MYO1F: variants seen among roughly 807,000 people sequenced by gnomAD.
The protein encoded by MYO1F is unconventional myosin-If.
MYO1F carries 60 observed loss-of-function variants against 146.6 expected under a neutral mutation model. The ratio of observed to expected loss-of-function variants is 0.41; its 90% confidence interval spans 0.33 to 0.51. The LOEUF (loss-of-function observed/expected upper bound fraction) is 0.51, where lower values mean the gene tolerates loss of function less well. MYO1F is among the 20% of genes least tolerant of loss of function. MYO1F has a pLI of 0.25. For missense variants in MYO1F, 1,274 were observed against 1,534.3 expected, an observed-to-expected ratio of 0.83 and a Z score of 2.83; for synonymous variants, 602 against 602.1, an observed-to-expected ratio of 1.00 and a Z score of 0.00.
At chr19:8,556,685 C>T (rs559143941) in intron 1 of MYO1F, among the ~76,000 whole-genome samples, 24 of 151,284 alleles carry the variant, frequency 1.6e-4, no homozygotes, top group Admixed American at 9.2e-4. Context: ...GACGAGAGTT[C>T]GAGACCAGTC....
In MYO1F at chr19:8,550,698, T is replaced by C; in HGVS notation, c.772-4A>G. On this transcript the variant is annotated splice_region_variant and splice_polypyrimidine_tract_variant and intron_variant, in intron 8 of 27. Coordinates refer to ENST00000644032, the MANE Select transcript of MYO1F (RefSeq NM_012335.4). ...TCCCAATAACCTGCATAGCACTCTGTGGTACAACGGGGGCAGAAACTGTGC... is the reference window on the plus strand; with the variant it reads ...TCCCAATAACCTGCATAGCACTCTGCGGTACAACGGGGGCAGAAACTGTGC... The C allele has an allele frequency of 6.2e-7, 1 of 1,614,038 alleles. No homozygotes were observed.
chr19:8,556,122 G>T (rs191959738), intron 1 of MYO1F, among the ~76,000 whole-genome samples: 2 of 151,410 alleles, frequency 1.3e-5, no homozygotes, highest in Non-Finnish European at 2.9e-5. Flanking sequence ...TCCACCTCCC[G>T]GGTTCAAGCG....
At chr19:8,570,627 A>G (rs537556304) in intron 1 of MYO1F, among the ~76,000 whole-genome samples, 48 of 151,316 alleles carry the variant, frequency 3.2e-4, no homozygotes, top group Admixed American at 1.1e-3. Context: ...TTGACCTCCC[A>G]AAGTGCTGGA....
At position 8,550,486 on chromosome 19, in the gene MYO1F, C is replaced by T. The variant is rs116302458; in HGVS notation, c.904+76G>A. 2.1e-3 allele frequency: 3,379 copies of T among 1,612,746 alleles called. 54 individuals are homozygous for T. In the African/African-American group the frequency reaches 0.032, roughly 15 times the overall value. On this transcript the variant is annotated intron_variant, in intron 9 of 27. Transcript: ENST00000644032. ...TTTTTCCTCGTGGGCTTTCAGCTTC[C>T]TGGGGGCTGAGCTAGGAGGACGCAG... is the stretch of plus-strand genomic sequence containing the variant.
At chr19:8,547,300 C>CAAAAAAAAAAAAAA (rs1196814670) in intron 12 of MYO1F, among the ~76,000 whole-genome samples, 1 of 44,994 alleles carries the variant, frequency 2.2e-5, no homozygotes, top group South Asian at 1.2e-3. Flanking sequence ...GTTCCTGTCT[C>CAAAAAAAAAAAAAA]AAAAAAAAAA....
At chr19:8,545,517 T>TC (rs1973306161) in intron 13 of MYO1F, 133 bp downstream of exon 13, 8 of 786,192 alleles carry the variant, frequency 1.0e-5, no homozygotes, top group Non-Finnish European at 1.9e-5. Context: ...TTGTTATCTG[T>TC]CGCTGGAAGT....
intron 16 of MYO1F, 55 bp downstream of exon 16, chr19:8,539,892 G>A: frequency 6.7e-7 from 1 of 1,482,290 alleles, no homozygotes; most frequent in African/African-American, 1.4e-5. Flanking sequence ...ACCCCAGGTA[G>A]GGTGGAACTC....
chr19:8,566,251 T>G (rs996679824), intron 1 of MYO1F, among the ~76,000 whole-genome samples: 10 of 143,856 alleles, frequency 7.0e-5, no homozygotes, highest in Admixed American at 2.9e-4. Flanking sequence ...CACTGCAAGC[T>G]CTGCCTCCCG....
At chr19:8,561,168 G>A (rs532848538) in intron 1 of MYO1F, among the ~76,000 whole-genome samples, 1 of 152,252 alleles carries the variant, frequency 6.6e-6, no homozygotes, top group Non-Finnish European at 1.5e-5. Flanking sequence ...ACAGGTGTGA[G>A]CCACTGTGCC....
Position 8,568,422 on chromosome 19 carries a change from C to CAAAAAAAAAAAA in MYO1F, c.3+8873_3+8884dup, listed in dbSNP as rs55833513. On this transcript the variant is annotated intron_variant, in intron 1 of 27. Coordinates refer to ENST00000644032, the MANE Select transcript of MYO1F (RefSeq NM_012335.4). ...TGGGTGAAAGAGTGAGACTCCGTCTCAAAAAAAAAAAAAAAAAAAAAAATT... is the reference window on the plus strand; with the variant it reads ...TGGGTGAAAGAGTGAGACTCCGTCTCAAAAAAAAAAAAAAAAAAAAAAAAAAAAAAAAAAATT... Among the ~76,000 whole-genome samples, 18 of 66,434 alleles carry CAAAAAAAAAAAA rather than the reference C, an allele frequency of 2.7e-4. 1 individual carries two copies. The highest frequency in any genetic ancestry group is 1.1e-3 in the African/African-American group (16 of 14,374). 43.6% of individuals were successfully genotyped at this position (66,434 alleles called of 152,430 possible). A position where few individuals can be genotyped will look rare whatever the true frequency, so the allele number is the denominator to read the frequency against.
At chr19:8,553,894 A>ACACACACACACACTCTCTCTCTCTCTCT in intron 4 of MYO1F, among the ~76,000 whole-genome samples, 10 of 102,602 alleles carry the variant, frequency 9.7e-5, no homozygotes, top group African/African-American at 3.8e-4. Flanking sequence ...ACACACACAC[A>ACACACACACACACTCTCTCTCTCTCTCT]CTCTCTCTCT....
chr19:8,554,562 C>T lies in MYO1F; in HGVS notation c.241G>A (p.Glu81Lys). 6.2e-7 allele frequency: 1 copy of T among 1,613,620 alleles called. No individual in the cohort carries two copies. Among genetic ancestry groups the T allele is most frequent in the Non-Finnish European group, 8.5e-7 (1 of 1,179,582 alleles). The change falls in exon 4 of 28, where the codon GAG becomes AAG. Residue 81 changes from glutamate to lysine, a missense_variant. By Grantham distance (56) the Glu-to-Lys change is moderately conservative. Around this residue, in one of 2 missense-constraint regions of MYO1F, gnomAD observed 900 missense variants for 1,155.1 expected, o/e 0.78. Coordinates refer to ENST00000644032, the MANE Select transcript of MYO1F (RefSeq NM_012335.4). ...IDLYQGAAQY[E>K]NPPHIYALTD... ...AGGGCGTAGATGTGCGGGGGATTCT[C>T]ATACTGGGCCTGGCAGGGGAGGTCA...
Position 8,527,386 on chromosome 19 carries a change from A to G in MYO1F, c.2426T>C (p.Val809Ala). The G allele has an allele frequency of 6.2e-7, 1 of 1,613,968 alleles. No individual in the cohort carries two copies. Among genetic ancestry groups the G allele is most frequent in the Non-Finnish European group, 8.5e-7 (1 of 1,179,982 alleles). ...KGPEKGQVCEVLKKKVDIQAL... is the reference protein window; with the variant it reads ...KGPEKGQVCEALKKKVDIQAL... ...CTGGATGTCCACTTTCTTCTTCAAGACTTCACACACCTGGCCCTTCTCAGG... is the reference window on the plus strand; with the variant it reads ...CTGGATGTCCACTTTCTTCTTCAAGGCTTCACACACCTGGCCCTTCTCAGG... The change falls in exon 22 of 28, where the codon GTC becomes GCC. Residue 809 changes from valine to alanine, a missense_variant. By Grantham distance (64) the Val-to-Ala change is moderately conservative. Transcript: ENST00000644032.
intron 1 of MYO1F, among the ~76,000 whole-genome samples, chr19:8,567,191 C>T (rs7248239): frequency 0.32 from 47,659 of 150,882 alleles, 8,002 homozygotes; most frequent in East Asian, 0.59. Context: ...CTCATCCTCT[C>T]GAGTAGCTGG....
At position 8,541,990 on chromosome 19, in the gene MYO1F, A is replaced by G; in HGVS notation, c.1526T>C (p.Val509Ala). The change falls in exon 15 of 28, where the codon GTC becomes GCC. Residue 509 changes from valine to alanine, a missense_variant and splice_region_variant. By Grantham distance (64) the Val-to-Ala change is moderately conservative (BLOSUM62 0). Transcript: ENST00000644032. ...GCAGAAGCCGCTGACGTCGTAGGAG[A>G]CCTGGAGGGGACAGTGCTGAGGACA... is the stretch of plus-strand genomic sequence containing the variant. Reference protein sequence around the residue: ...GFVIHHYAGKVSYDVSGFCER... With the variant: ...GFVIHHYAGKASYDVSGFCER... 6.2e-7 allele frequency: 1 copy of G among 1,612,702 alleles called. No individual in the cohort carries two copies. The highest frequency in any genetic ancestry group is 8.5e-7 in the Non-Finnish European group (1 of 1,179,560).
chr19:8,574,737 TTCTTTCTTTCTTTC>T (rs1231888117), intron 1 of MYO1F, among the ~76,000 whole-genome samples: 1 of 150,534 alleles, frequency 6.6e-6, no homozygotes, highest in Non-Finnish European at 1.5e-5. Flanking sequence ...TTCTTTCTTT[TTCTTTCTTTCTTTC>T]TCTCTCTCTT....
chr19:8,536,145 C>G (rs1449808303), intron 19 of MYO1F, 107 bp downstream of exon 19: 1 of 1,384,696 alleles, frequency 7.2e-7, no homozygotes, highest in Non-Finnish European at 1.0e-6. Flanking sequence ...ATCAGTCTTT[C>G]TCTCAATCTC....
chr19:8,527,478 G>A lies in MYO1F; in HGVS notation c.2334C>T (p.Ile778=). Residue 778 remains isoleucine (I), a synonymous_variant, in exon 22 of 28, where the codon ATC becomes ATT. Coordinates refer to ENST00000644032, the MANE Select transcript of MYO1F (RefSeq NM_012335.4). ...TGGGCGTCAGGATCAAGTCCCGCTT[G>A]ATGGGCTGTGGGGATGCAGGATTAG... ...VTKYDRRFKP[I]KRDLILTPKC... 1 of 1,613,970 alleles carries A rather than the reference G, an allele frequency of 6.2e-7. No individual in the cohort carries two copies. The highest frequency in any genetic ancestry group is 8.5e-7 in the Non-Finnish European group (1 of 1,179,960).
At chr19:8,551,630 G>A in intron 8 of MYO1F, 110 bp downstream of exon 8, 1 of 1,526,300 alleles carries the variant, frequency 6.6e-7, no homozygotes, top group Non-Finnish European at 9.0e-7. Context: ...GGGATTACAG[G>A]CTTGAGCCAC....
Sources: gnomAD v4.1 joint callset for allele counts (sites outside exome capture counted in the v4.1 genomes callset) on GRCh38, gnomAD v4.1.1 for gene constraint, gnomAD v4.1.1 regional missense constraint, MANE v1.5 for transcripts, NCBI Gene and HGNC (gene_info 2026-07-23, HGNC 2026-07-21) for gene names.